ASB14: variants seen among roughly 807,000 people sequenced by gnomAD.
ASB14 encodes the protein ankyrin repeat and SOCS box protein 14.
In ASB14, 63 loss-of-function variants were observed where a neutral mutation model predicts 55.6. That is an observed-to-expected ratio of 1.13 (90% CI 0.92 to 1.40). The LOEUF is 1.40. Ranked by LOEUF, ASB14 falls within the 40% of genes most tolerant of loss-of-function variation. The pLI is 0.00. For synonymous variants in ASB14, 256 were observed against 259.9 expected (o/e 0.98, Z 0.15); for missense variants, 724 against 710.4 (o/e 1.02, Z -0.22).
chr3:57,291,543 G>C (rs1025214488), intron 2 of ASB14, among the ~76,000 whole-genome samples: 1 of 152,078 alleles, frequency 6.6e-6, no homozygotes, highest in Non-Finnish European at 1.5e-5. Flanking sequence ...ACCCTACTAA[G>C]GTTGAAGATA....
At position 57,290,938 on chromosome 3, in the gene ASB14, G is replaced by A. The variant is rs1579440557; in HGVS notation, c.122+974C>T. Among the ~76,000 whole-genome samples, 5 of 152,292 alleles carry A rather than the reference G, an allele frequency of 3.3e-5. No individual in the cohort carries two copies. In the South Asian group the frequency reaches 1.0e-3, roughly 32 times the overall value. ...GGAATAGTGTGTGGCTAAGAGCACA[G>A]ACTTTAGAATCAGACTGCCTTGCTC... is the stretch of plus-strand genomic sequence containing the variant. On this transcript the variant is annotated intron_variant, in intron 2 of 10. Transcript: ENST00000487349.
intron 2 of ASB14, among the ~76,000 whole-genome samples, chr3:57,289,906 C>T (rs2061115455): frequency 6.6e-6 from 1 of 152,014 alleles, no homozygotes. Context: ...CTCGGCCTCC[C>T]AAAGTGCGGG....
At chr3:57,269,703 A>C (rs377335362) in intron 10 of ASB14, 85 bp from the exon 11 acceptor site, 2 of 1,612,886 alleles carry the variant, frequency 1.2e-6, no homozygotes, top group African/African-American at 1.3e-5. Flanking sequence ...TACTTTTGGT[A>C]GATATTCCCC....
rs552325245 is a variant in ASB14, at chr3:57,270,666, T to A, written c.*23-1048A>T. ...AAATGTAATCTTTTAAATTTCAGAC[T>A]GATATATTCCCAGTATTTTCATAAT... On this transcript the variant is annotated intron_variant, in intron 10 of 10. Transcript: ENST00000487349. 6 of 152,764 alleles carry A rather than the reference T, an allele frequency of 3.9e-5. No homozygotes were observed. In the South Asian group the frequency reaches 1.2e-3, roughly 32 times the overall value. 9.5% of individuals were successfully genotyped at this position (152,764 alleles called of 1,614,324 possible).
chr3:57,288,479 C>T (rs1412849371), intron 3 of ASB14, among the ~76,000 whole-genome samples, 193 bp from the exon 4 acceptor site: 6 of 152,190 alleles, frequency 3.9e-5, no homozygotes, highest in African/African-American at 1.4e-4. Flanking sequence ...GGCATGTGAA[C>T]ACCCCCAGCG....
intron 10 of ASB14, chr3:57,271,104 A>T (rs2060935178): frequency 6.6e-6 from 1 of 152,396 alleles, no homozygotes. Flanking sequence ...AGCCACTAAG[A>T]CTTTAATAAT....
At chr3:57,283,585 A>C in intron 5 of ASB14, 146 bp from the exon 6 acceptor site, 1 of 799,666 alleles carries the variant, frequency 1.3e-6, no homozygotes, top group Non-Finnish European at 1.9e-6. Context: ...ACAGATTGTA[A>C]AGTAAGGCAT....
chr3:57,275,811 T>C (rs1185097160), intron 10 of ASB14, among the ~76,000 whole-genome samples: 1 of 152,224 alleles, frequency 6.6e-6, no homozygotes, highest in Admixed American at 6.5e-5. Flanking sequence ...CTGTACAGCA[T>C]GTTACTGTAC....
At chr3:57,284,506 T>C (rs969717790) in intron 5 of ASB14, among the ~76,000 whole-genome samples, 8 of 152,212 alleles carry the variant, frequency 5.3e-5, no homozygotes, top group Non-Finnish European at 1.0e-4. Context: ...AATCTTGCAA[T>C]GCATTTGCTT....
chr3:57,276,591 AT>A lies in ASB14; in HGVS notation c.1722del (p.Glu574AspfsTer91). The A allele has an allele frequency of 6.2e-7, 1 of 1,613,662 alleles. No individual in the cohort carries two copies. The highest frequency in any genetic ancestry group is 1.3e-5 in the African/African-American group (1 of 75,028). On this transcript the variant is annotated frameshift_variant, in exon 10 of 11. Coordinates refer to ENST00000487349, the MANE Select transcript of ASB14 (RefSeq NM_001142733.3). LOFTEE classifies it high-confidence loss of function. Reference sequence around the variant, plus strand: ...AAAATTCCTTGTCCATAAAGGTCGTATTCTTTGTAAAGGACATATGCTTTTA... The same window carrying A: ...AAAATTCCTTGTCCATAAAGGTCGTATCTTTGTAAAGGACATATGCTTTTA... ...NRLKAYVLYK[E>X]YDLYGQGIFT...
intron 3 of ASB14, among the ~76,000 whole-genome samples, chr3:57,288,783 C>T (rs981126289): frequency 7.3e-6 from 1 of 136,106 alleles, no homozygotes; most frequent in East Asian, 2.8e-4. Context: ...GGCGCAATCT[C>T]GGTTTACTGC....
intron 2 of ASB14, among the ~76,000 whole-genome samples, chr3:57,289,607 T>G (rs1028790445): frequency 6.6e-6 from 1 of 152,168 alleles, no homozygotes; most frequent in African/African-American, 2.4e-5. Flanking sequence ...TTAAGTAATG[T>G]TTTTATTATT....
At chr3:57,283,111 T>C in intron 6 of ASB14, 83 bp downstream of exon 6, 2 of 1,461,452 alleles carry the variant, frequency 1.4e-6, no homozygotes, top group Admixed American at 2.2e-5. Context: ...TTAACTTTTA[T>C]TATTTTGAAG....
intron 10 of ASB14, among the ~76,000 whole-genome samples, 172 bp downstream of exon 10, chr3:57,276,356 G>A (rs2060986682): frequency 6.6e-6 from 1 of 151,818 alleles, no homozygotes; most frequent in Non-Finnish European, 1.5e-5. Flanking sequence ...CGTGATCACA[G>A]CTCACTGCAG....
chr3:57,275,451 CAAAAAA>C (rs11323278), intron 10 of ASB14, among the ~76,000 whole-genome samples: 1 of 114,476 alleles, frequency 8.7e-6, no homozygotes, highest in Admixed American at 9.6e-5. Context: ...GACTCCATCT[CAAAAAA>C]AAAAAAAAAA....
In ASB14 at chr3:57,269,503, G is replaced by A. The variant is rs900182556; in HGVS notation, c.*138C>T. 4 of 1,607,326 alleles carry A rather than the reference G, an allele frequency of 2.5e-6. No individual in the cohort carries two copies. In the Middle Eastern group the frequency reaches 5.0e-4, roughly 200 times the overall value. On this transcript the variant is annotated 3_prime_UTR_variant, in exon 11 of 11. Coordinates refer to ENST00000487349, the MANE Select transcript of ASB14 (RefSeq NM_001142733.3). ...CTGCATAATTTGCCATTTGACTGCA[G>A]ACAAGTAACTTAGTTTCTTTTTTGT... is the stretch of plus-strand genomic sequence containing the variant.
chr3:57,279,423 G>A (rs761856124), intron 7 of ASB14, among the ~76,000 whole-genome samples: 1 of 151,620 alleles, frequency 6.6e-6, no homozygotes, highest in South Asian at 2.1e-4. Flanking sequence ...GTTTAGGGCT[G>A]GGGGTGGTGG....
intron 6 of ASB14, among the ~76,000 whole-genome samples, chr3:57,281,856 T>C (rs1559522397): frequency 6.6e-6 from 1 of 152,200 alleles, no homozygotes; most frequent in Non-Finnish European, 1.5e-5. Flanking sequence ...ATAATGTGAT[T>C]TGGAATCAGA....
At chr3:57,275,934 A>G (rs765762826) in intron 10 of ASB14, among the ~76,000 whole-genome samples, 4 of 152,216 alleles carry the variant, frequency 2.6e-5, no homozygotes, top group Non-Finnish European at 4.4e-5. Context: ...ATGATGACTG[A>G]AACATTGTAT....
Sources: allele counts gnomAD v4.1 joint callset (sites outside exome capture counted in the v4.1 genomes callset), GRCh38; gene constraint gnomAD v4.1.1; transcripts MANE v1.5; gene names NCBI Gene and HGNC (gene_info 2026-07-23, HGNC 2026-07-21).